Variants in IGF2BP3 observed in about 807,000 individuals in gnomAD.
IGF2BP3 encodes insulin-like growth factor 2 mRNA-binding protein 3.
Under a neutral mutation model 73.8 loss-of-function variants are expected in IGF2BP3, and 9 were observed. The observed-to-expected ratio is 0.12, with a 90% CI of 0.07 to 0.21. The LOEUF is 0.21. Among genes scored for constraint, IGF2BP3 ranks in the 10% least tolerant of loss-of-function variants. IGF2BP3 has a pLI of 1.00. For missense variants in IGF2BP3, 542 were observed against 714.0 expected (o/e 0.76, Z 2.75); for synonymous variants, 258 against 256.7 (o/e 1.01, Z -0.05).
intron 2 of IGF2BP3, among the ~76,000 whole-genome samples, chr7:23,427,808 C>T (rs899405085): frequency 2.0e-5 from 3 of 151,234 alleles, no homozygotes; most frequent in African/African-American, 4.9e-5. Flanking sequence ...GAGTTCAAGA[C>T]CAGCCTGGCC....
intron 10 of IGF2BP3, among the ~76,000 whole-genome samples, chr7:23,328,494 C>T (rs187766970): frequency 6.6e-6 from 1 of 152,270 alleles, no homozygotes; most frequent in Non-Finnish European, 1.5e-5. Context: ...AACTTTAAGC[C>T]TTTGGTTTCC....
At chr7:23,347,447 C>T (rs1398108215) in intron 7 of IGF2BP3, among the ~76,000 whole-genome samples, 153 bp downstream of exon 7, 2 of 152,160 alleles carry the variant, frequency 1.3e-5, no homozygotes, top group African/African-American at 4.8e-5. Flanking sequence ...AAGACATACA[C>T]TTCACAACCA....
chr7:23,466,767 A>C (rs957919721), intron 2 of IGF2BP3, among the ~76,000 whole-genome samples: 6 of 152,232 alleles, frequency 3.9e-5, no homozygotes, highest in African/African-American at 1.4e-4. Flanking sequence ...TTAGCAAAAG[A>C]AAAGCAGCAG....
chr7:23,445,518 A>G (rs2128546642), intron 2 of IGF2BP3, among the ~76,000 whole-genome samples: 1 of 152,298 alleles, frequency 6.6e-6, no homozygotes, highest in South Asian at 2.1e-4. Flanking sequence ...TGACTAAGTA[A>G]AACTACTTTT....
chr7:23,440,712 C>A (rs1001391995), intron 2 of IGF2BP3, among the ~76,000 whole-genome samples: 1 of 152,164 alleles, frequency 6.6e-6, no homozygotes, highest in African/African-American at 2.4e-5. Flanking sequence ...CCCCTAACCA[C>A]CAGCCACCTG....
chr7:23,468,563 A>T, intron 1 of IGF2BP3, 21 bp from the exon 2 acceptor site: 1 of 1,613,810 alleles, frequency 6.2e-7, no homozygotes, highest in Non-Finnish European at 8.5e-7. Context: ...ACAAGAAGTG[A>T]GACGGTCGGC....
chr7:23,319,120 C>A lies in IGF2BP3; in HGVS notation c.1320+18G>T. On this transcript the variant is annotated intron_variant, in intron 11 of 14. Coordinates refer to ENST00000258729, the MANE Select transcript of IGF2BP3 (RefSeq NM_006547.3). ...ACTTACTTAAAGAACCAGAGAACCA[C>A]AGCTGGTAGAACAGTACCTTAATTG... is the stretch of plus-strand genomic sequence containing the variant. 1 of 1,481,976 alleles carries A rather than the reference C, an allele frequency of 6.7e-7. No individual in the cohort carries two copies. The highest frequency in any genetic ancestry group is 9.3e-7 in the Non-Finnish European group (1 of 1,073,056). The allele number at this position is 1,481,976 out of a possible 1,614,324, so 91.8% of individuals were successfully genotyped here.
intron 9 of IGF2BP3, among the ~76,000 whole-genome samples, chr7:23,343,238 T>A (rs1031949471): frequency 5.9e-5 from 9 of 152,232 alleles, no homozygotes; most frequent in African/African-American, 2.2e-4. Context: ...TTATATGCAT[T>A]ATATCTATTG....
chr7:23,346,065 G>A lies in IGF2BP3; in HGVS notation c.819-3C>T, dbSNP rs773012781. On this transcript the variant is annotated splice_region_variant and splice_polypyrimidine_tract_variant and intron_variant, in intron 7 of 14. Coordinates refer to ENST00000258729, the MANE Select transcript of IGF2BP3 (RefSeq NM_006547.3). Reference sequence around the variant, plus strand: ...TCTTCAAGGGGATCTCTTCTGTGCTGTAAATAGAAAAGTGGCCATAAAATT... The same window carrying A: ...TCTTCAAGGGGATCTCTTCTGTGCTATAAATAGAAAAGTGGCCATAAAATT... 12 of 1,601,856 alleles carry A rather than the reference G, an allele frequency of 7.5e-6. No individual in the cohort carries two copies. Among genetic ancestry groups the A allele is most frequent in the South Asian group, 6.8e-5 (6 of 88,790 alleles).
At chr7:23,429,485 T>C (rs932789206) in intron 2 of IGF2BP3, among the ~76,000 whole-genome samples, 1 of 152,226 alleles carries the variant, frequency 6.6e-6, no homozygotes. Flanking sequence ...AACCATACTC[T>C]AGTCGGTCTT....
intron 10 of IGF2BP3, among the ~76,000 whole-genome samples, chr7:23,334,040 C>G (rs950050654): frequency 6.6e-6 from 1 of 152,070 alleles, no homozygotes; most frequent in East Asian, 1.9e-4. Flanking sequence ...ATATGGGATT[C>G]AGAATAAGCC....
At chr7:23,320,196 G>C (rs964105584) in intron 10 of IGF2BP3, among the ~76,000 whole-genome samples, 1 of 152,046 alleles carries the variant, frequency 6.6e-6, no homozygotes, top group Non-Finnish European at 1.5e-5. Flanking sequence ...ACAGGCGTGA[G>C]CCACTGCGCC....
At chr7:23,388,028 C>T (rs922569118) in intron 3 of IGF2BP3, among the ~76,000 whole-genome samples, 8 of 152,118 alleles carry the variant, frequency 5.3e-5, no homozygotes, top group Non-Finnish European at 1.2e-4. Flanking sequence ...GCAAGCTCCG[C>T]CTCCCGGGTT....
chr7:23,436,222 A>G (rs113548886), intron 2 of IGF2BP3, among the ~76,000 whole-genome samples: 98 of 152,388 alleles, frequency 6.4e-4, no homozygotes, highest in Middle Eastern at 3.4e-3. Flanking sequence ...AAATTGGAAT[A>G]TTTAATACCA....
intron 2 of IGF2BP3, among the ~76,000 whole-genome samples, chr7:23,453,025 T>A (rs576027883): frequency 6.6e-6 from 1 of 151,026 alleles, no homozygotes; most frequent in African/African-American, 2.4e-5. Flanking sequence ...GGCACGAGAA[T>A]CCCTTACCCA....
chr7:23,321,214 T>A (rs557424717), intron 10 of IGF2BP3, among the ~76,000 whole-genome samples: 2 of 151,704 alleles, frequency 1.3e-5, no homozygotes, highest in Non-Finnish European at 2.9e-5. Flanking sequence ...AGTGGGTGCA[T>A]GCACCATGGG....
At chr7:23,392,070 T>C (rs76696585) in intron 3 of IGF2BP3, among the ~76,000 whole-genome samples, 2 of 152,280 alleles carry the variant, frequency 1.3e-5, no homozygotes, top group East Asian at 1.9e-4. Context: ...TGTCACCCGC[T>C]ACACACCCTA....
At chr7:23,423,548 A>C (rs1286132538) in intron 2 of IGF2BP3, among the ~76,000 whole-genome samples, 2 of 152,232 alleles carry the variant, frequency 1.3e-5, no homozygotes, top group African/African-American at 2.4e-5. Context: ...TGCACACTCC[A>C]TAACAACAGG....
chr7:23,323,444 G>A (rs1414804964), intron 10 of IGF2BP3, among the ~76,000 whole-genome samples: 1 of 144,978 alleles, frequency 6.9e-6, no homozygotes, highest in Non-Finnish European at 1.5e-5. Flanking sequence ...CCTACAAAGA[G>A]ACTTAGACTC....
Sources: allele counts gnomAD v4.1 joint callset (sites outside exome capture counted in the v4.1 genomes callset), GRCh38; gene constraint gnomAD v4.1.1; transcripts MANE v1.5; gene names NCBI Gene and HGNC (gene_info 2026-07-23, HGNC 2026-07-21).